The following TG variants were observed in gnomAD, a reference collection of about 807,000 sequenced individuals.
The protein encoded by TG is thyroid hormones.
TG carries 270 observed loss-of-function variants against 324.7 expected under a neutral mutation model. The observed-to-expected ratio is 0.83, with a 90% CI of 0.75 to 0.92. The LOEUF is 0.92. Ranked by LOEUF, TG falls within the 40% of genes least tolerant of loss-of-function variation. The pLI, the probability that TG is intolerant of heterozygous loss-of-function variation, is 0.00. For synonymous variants in TG, 1,401 were observed against 1,327.0 expected (o/e 1.06, Z -1.21); for missense variants, 3,591 against 3,456.4 (o/e 1.04, Z -0.98).
At chr8:133,045,021 G>C (rs1434170686) in intron 41 of TG, 2 of 1,614,158 alleles carry the variant, frequency 1.2e-6, no homozygotes, top group South Asian at 2.2e-5. Flanking sequence ...GGCACTGGAA[G>C]GTGAGCCTCG....
chr8:133,025,764 C>A (rs1177867924), intron 40 of TG, among the ~76,000 whole-genome samples: 2 of 152,172 alleles, frequency 1.3e-5, no homozygotes, highest in Non-Finnish European at 2.9e-5. Context: ...TTGAAAATTG[C>A]AGTTCAGAAC....
intron 43 of TG, among the ~76,000 whole-genome samples, chr8:133,111,333 A>T (rs187924247): frequency 3.5e-4 from 54 of 152,360 alleles, no homozygotes; most frequent in Admixed American, 3.3e-3. Context: ...ATTATGGTTC[A>T]TAAAATGGGA....
Position 132,906,674 on chromosome 8 carries a change from T to G in TG, c.3635-14T>G. The G allele has an allele frequency of 6.2e-7, 1 of 1,613,604 alleles. No individual in the cohort carries two copies. Among genetic ancestry groups the G allele is most frequent in the Non-Finnish European group, 8.5e-7 (1 of 1,179,976 alleles). ...GGGCAGGTGCCCACCACGGCTCCAC[T>G]TTCCTTCTCCCAGGCCCGCGGTGTC... On this transcript the variant is annotated splice_polypyrimidine_tract_variant and intron_variant, in intron 16 of 47. Coordinates refer to ENST00000220616, the MANE Select transcript of TG (RefSeq NM_003235.5).
intron 30 of TG, among the ~76,000 whole-genome samples, chr8:132,967,044 AT>A (rs1828674599): frequency 6.7e-6 from 1 of 149,354 alleles, no homozygotes; most frequent in African/African-American, 2.5e-5. Flanking sequence ...CCACCCATCC[AT>A]CCATCCATCC....
intron 41 of TG, among the ~76,000 whole-genome samples, chr8:133,062,148 T>A (rs775080812): frequency 6.6e-6 from 1 of 152,230 alleles, no homozygotes; most frequent in African/African-American, 2.4e-5. Context: ...TCTTTGTGAC[T>A]AGAAAAGAGG....
intron 43 of TG, among the ~76,000 whole-genome samples, chr8:133,100,239 G>T (rs960480763): frequency 1.1e-4 from 17 of 151,938 alleles, no homozygotes; most frequent in African/African-American, 4.1e-4. Context: ...CTCCCTTCAG[G>T]GTCTGCTTAT....
chr8:132,906,685 C>T lies in TG; in HGVS notation c.3635-3C>T. 1 of 1,613,926 alleles carries T rather than the reference C, an allele frequency of 6.2e-7. No individual in the cohort carries two copies. The highest frequency in any genetic ancestry group is 8.5e-7 in the Non-Finnish European group (1 of 1,180,030). ...CACCACGGCTCCACTTTCCTTCTCCCAGGCCCGCGGTGTCCGCTGCCATTC... is the reference window on the plus strand; with the variant it reads ...CACCACGGCTCCACTTTCCTTCTCCTAGGCCCGCGGTGTCCGCTGCCATTC... On this transcript the variant is annotated splice_region_variant and splice_polypyrimidine_tract_variant and intron_variant, in intron 16 of 47. Transcript: ENST00000220616.
intron 45 of TG, among the ~76,000 whole-genome samples, chr8:133,129,266 G>A (rs2130373869): frequency 6.6e-6 from 1 of 152,322 alleles, no homozygotes; most frequent in Non-Finnish European, 1.5e-5. Context: ...GGATGGGCTG[G>A]AATGCCAGGA....
intron 26 of TG, among the ~76,000 whole-genome samples, chr8:132,943,566 G>A (rs1208608429): frequency 1.3e-5 from 2 of 152,072 alleles, no homozygotes; most frequent in African/African-American, 4.8e-5. Context: ...GTGTTTTCCA[G>A]GGCTCCCCAG....
At chr8:132,913,734 A>C (rs1819874920) in intron 20 of TG, among the ~76,000 whole-genome samples, 2 of 152,210 alleles carry the variant, frequency 1.3e-5, no homozygotes, top group Non-Finnish European at 2.9e-5. Flanking sequence ...TTAATGGGAA[A>C]GTGATGCAGA....
intron 27 of TG, among the ~76,000 whole-genome samples, chr8:132,955,341 C>T (rs182026919): frequency 1.8e-4 from 27 of 152,336 alleles, no homozygotes; most frequent in Non-Finnish European, 3.1e-4. Context: ...CTATCCTTGG[C>T]ACCTTGTTGG....
intron 41 of TG, among the ~76,000 whole-genome samples, chr8:133,038,905 T>A (rs769169140): frequency 7.8e-4 from 119 of 152,156 alleles, no homozygotes; most frequent in Non-Finnish European, 1.6e-3. Context: ...TAAGATGGAG[T>A]CTCGCTCTGT....
In TG at chr8:132,888,262, C is replaced by T. The variant is rs886062704; in HGVS notation, c.2455C>T (p.Leu819Phe). Residue 819 changes from leucine to phenylalanine, a missense_variant, in exon 10 of 48, where the codon CTC becomes TTC. Coordinates refer to ENST00000220616, the MANE Select transcript of TG (RefSeq NM_003235.5). ...YREAASGNFS[L>F]FIQSLYEAGQ... ...AGAAGCAGCTTCCGGAAACTTCAGTCTCTTTATTCAAAGTCTGTATGAGGC... is the reference window on the plus strand; with the variant it reads ...AGAAGCAGCTTCCGGAAACTTCAGTTTCTTTATTCAAAGTCTGTATGAGGC... 1 of 1,614,224 alleles carries T rather than the reference C, an allele frequency of 6.2e-7. No individual in the cohort carries two copies. Among genetic ancestry groups the T allele is most frequent in the East Asian group, 2.2e-5 (1 of 44,882 alleles).
intron 26 of TG, among the ~76,000 whole-genome samples, chr8:132,946,045 C>T (rs1587519346): frequency 1.4e-5 from 1 of 73,030 alleles, no homozygotes; most frequent in Non-Finnish European, 2.2e-5. Context: ...GTTACACACA[C>T]ACACACACAC....
chr8:133,066,067 T>C (rs1398473693), intron 41 of TG, among the ~76,000 whole-genome samples: 1 of 152,086 alleles, frequency 6.6e-6, no homozygotes, highest in Admixed American at 6.5e-5. Context: ...GCATTATTTT[T>C]AAAAGCTGTT....
chr8:132,932,801 C>CT lies in TG; in HGVS notation c.4817-758dup, dbSNP rs1406230198. On this transcript the variant is annotated intron_variant, in intron 23 of 47. Transcript: ENST00000220616. ...GGGATTCTATTCTATCATTCAATCC[C>CT]TTGCAGGGCTGCTGTCTGCTCCTGA... 4.6e-5 allele frequency among the ~76,000 whole-genome samples: 7 copies of CT among 152,310 alleles called. No individual in the cohort carries two copies. In the East Asian group the frequency reaches 1.3e-3, roughly 29 times the overall value.
At chr8:132,923,735 T>C (rs1821429122) in intron 22 of TG, among the ~76,000 whole-genome samples, 1 of 152,236 alleles carries the variant, frequency 6.6e-6, no homozygotes, top group African/African-American at 2.4e-5. Flanking sequence ...TCATTTGGTA[T>C]GTAAATTCCA....
chr8:132,881,172 T>C (rs1315922899), intron 5 of TG, among the ~76,000 whole-genome samples: 1 of 152,236 alleles, frequency 6.6e-6, no homozygotes, highest in African/African-American at 2.4e-5. Context: ...TATGGCTTTT[T>C]ATACCTTACC....
rs1210672611 is a variant in TG at position 132,986,370 on chromosome 8, G to GTA, written c.6262+2966_6262+2967dup. Among the ~76,000 whole-genome samples the GTA allele has an allele frequency of 6.1e-5, 6 of 98,244 alleles. 1 individual carries two copies. In the South Asian group the frequency reaches 7.9e-4, roughly 13 times the overall value. 64.5% of individuals were successfully genotyped at this position (98,244 alleles called of 152,430 possible). On this transcript the variant is annotated intron_variant, in intron 35 of 47. Transcript: ENST00000220616. ...ATATATGTATATATGTGTATATATAGTATATATATGTGTGTATATATGTGT... is the reference window on the plus strand; with the variant it reads ...ATATATGTATATATGTGTATATATAGTATATATATATGTGTGTATATATGTGT...
Sources: gnomAD v4.1 joint callset for allele counts (sites outside exome capture counted in the v4.1 genomes callset) on GRCh38, gnomAD v4.1.1 for gene constraint, MANE v1.5 for transcripts, NCBI Gene and HGNC (gene_info 2026-07-23, HGNC 2026-07-21) for gene names.